The following SYTL5 variants were observed in gnomAD, a reference collection of about 807,000 sequenced individuals.
The protein encoded by SYTL5 is synaptotagmin like 5, also known as synaptotagmin-like protein 5.
A neutral mutation model predicts 55.9 loss-of-function variants in SYTL5; 34 were observed. That is an observed-to-expected ratio of 0.61 (90% CI 0.46 to 0.81). The LOEUF is 0.81. SYTL5 is among the 30% of genes least tolerant of loss of function. The probability of loss-of-function intolerance (pLI) is 0.00; values close to 1 mark genes in which losing one functional copy is unlikely to be tolerated. For missense variants in SYTL5, 637 were observed against 546.7 expected (o/e 1.17, Z -1.65); for synonymous variants, 221 against 188.7 (o/e 1.17, Z -1.40).
intron 2 of SYTL5, among the ~76,000 whole-genome samples, chrX:38,044,138 A>G (rs1935388411): frequency 9.0e-6 from 1 of 111,459 alleles, no homozygotes; most frequent in Non-Finnish European, 1.9e-5. Context: ...TCAGTGAAGC[A>G]TTTAAGGAAA....
intron 1 of SYTL5, among the ~76,000 whole-genome samples, chrX:38,020,942 T>A (rs941693684): frequency 8.9e-6 from 1 of 111,944 alleles, no homozygotes. Flanking sequence ...TATGTTATTA[T>A]CTCAGGGAGT....
At chrX:37,907,087 A>G in the SYTL5 span, among the ~76,000 whole-genome samples, 1 of 112,385 alleles carries the variant, frequency 8.9e-6, no homozygotes, top group African/African-American at 3.2e-5. Context: ...AGAATGCATG[A>G]ATTTGTGGTT....
intron 1 of SYTL5, among the ~76,000 whole-genome samples, chrX:38,026,042 G>C (rs1569159530): frequency 8.9e-6 from 1 of 112,768 alleles, no homozygotes; most frequent in Non-Finnish European, 1.9e-5. Flanking sequence ...AAGTGAGATT[G>C]AGCAAGGGTA....
At chrX:37,908,472 G>T in the SYTL5 span, among the ~76,000 whole-genome samples, 2 of 112,042 alleles carry the variant, frequency 1.8e-5, no homozygotes, top group South Asian at 7.5e-4. Context: ...AGCTTCTATA[G>T]TGGAAAGGCA....
chrX:38,120,881 C>T (rs1937564384), intron 14 of SYTL5, among the ~76,000 whole-genome samples: 3 of 111,348 alleles, frequency 2.7e-5, no homozygotes, highest in African/African-American at 9.8e-5. Flanking sequence ...CAGATGGAAT[C>T]AATTTATAAA....
intron 9 of SYTL5, 74 bp from the exon 10 acceptor site, chrX:38,102,268 G>A: frequency 1.6e-6 from 1 of 632,629 alleles, no homozygotes; most frequent in South Asian, 2.6e-5. Flanking sequence ...ATGAAAGAAA[G>A]TGGTTTCTCA....
At position 38,008,982 on chromosome X, in the gene SYTL5, G is replaced by A. The variant is rs1049181219; in HGVS notation, c.-357+2314G>A. 2.3e-4 allele frequency among the ~76,000 whole-genome samples: 26 copies of A among 111,861 alleles called. No individual in the cohort carries two copies. In the Admixed American group the frequency reaches 2.4e-3, roughly 10 times the overall value. On this transcript the variant is annotated intron_variant, in intron 1 of 16. Transcript: ENST00000297875. The stretch of plus-strand genomic sequence containing the variant: ...CACCCAAATAATTCATTACAAGTGT[G>A]ATAAGGGCTATAAGGAATACTTTTC...
At chrX:37,976,132 A>T in the SYTL5 span, among the ~76,000 whole-genome samples, 1 of 112,246 alleles carries the variant, frequency 8.9e-6, no homozygotes, top group Non-Finnish European at 1.9e-5. Flanking sequence ...CCAAGATACA[A>T]TTTTTCTTGT....
chrX:38,087,288 G>A (rs1400621991), intron 6 of SYTL5, among the ~76,000 whole-genome samples: 5 of 111,788 alleles, frequency 4.5e-5, no homozygotes, highest in Non-Finnish European at 9.4e-5. Context: ...AGCATCAATG[G>A]GAAAGTCTCT....
the SYTL5 span, among the ~76,000 whole-genome samples, chrX:37,953,518 C>G: frequency 1.8e-5 from 2 of 111,380 alleles, no homozygotes; most frequent in African/African-American, 6.5e-5. Context: ...CCCTCAGACT[C>G]TCTGTTTTTT....
At chrX:37,958,853 T>G in the SYTL5 span, among the ~76,000 whole-genome samples, 2 of 112,565 alleles carry the variant, frequency 1.8e-5, no homozygotes, top group African/African-American at 6.5e-5. Flanking sequence ...GTAGCTGGTC[T>G]TAGCACGTCA....
intron 6 of SYTL5, among the ~76,000 whole-genome samples, chrX:38,087,684 A>C (rs181739632): frequency 1.8e-3 from 199 of 112,023 alleles, no homozygotes; most frequent in Non-Finnish European, 2.7e-3. Context: ...CAAGAAACTA[A>C]TTCCTAGCTC....
the SYTL5 span, among the ~76,000 whole-genome samples, chrX:37,895,475 T>TCC: frequency 0.023 from 1,849 of 79,653 alleles, 54 homozygotes; most frequent in African/African-American, 0.11. Flanking sequence ...CCTCCCTCCC[T>TCC]CTCTCTCTCT....
At chrX:38,003,865 T>G (rs1736018042), upstream of SYTL5, among the ~76,000 whole-genome samples, 1 of 112,184 alleles carries the variant, frequency 8.9e-6, no homozygotes, top group African/African-American at 3.2e-5. Context: ...TTGCTTCTCT[T>G]TTGGGTATAA....
At chrX:38,103,201 T>C (rs1480585098) in intron 10 of SYTL5, 27 of 513,370 alleles carry the variant, frequency 5.3e-5, no homozygotes, top group East Asian at 7.7e-5. Flanking sequence ...TTCCGACTTA[T>C]ATACAATTAA....
the SYTL5 span, among the ~76,000 whole-genome samples, chrX:37,909,437 C>T: frequency 9.0e-6 from 1 of 111,445 alleles, no homozygotes; most frequent in Non-Finnish European, 1.9e-5. Flanking sequence ...TGTGGCTCAA[C>T]ACAAATTTGT....
chrX:37,973,032 C>G, the SYTL5 span, among the ~76,000 whole-genome samples: 113 of 111,445 alleles, frequency 1.0e-3, no homozygotes, highest in African/African-American at 3.5e-3. Context: ...TCTCCTGGAT[C>G]GAGAAAGAAA....
the SYTL5 span, among the ~76,000 whole-genome samples, chrX:37,980,343 G>A: frequency 9.0e-6 from 1 of 111,628 alleles, no homozygotes; most frequent in African/African-American, 3.3e-5. Context: ...TCCACAATTA[G>A]GTAGTGTGCA....
At chrX:38,098,340 A>G (rs1227238429) in intron 9 of SYTL5, among the ~76,000 whole-genome samples, 1 of 111,445 alleles carries the variant, frequency 9.0e-6, no homozygotes, top group African/African-American at 3.2e-5. Context: ...AAACCCTTAC[A>G]TTCAATATTA....
Sources: allele counts gnomAD v4.1 joint callset (sites outside exome capture counted in the v4.1 genomes callset), GRCh38; gene constraint gnomAD v4.1.1; transcripts MANE v1.5; gene names NCBI Gene and HGNC (gene_info 2026-07-23, HGNC 2026-07-21).